The following SVOPL variants were observed in gnomAD, a reference collection of about 807,000 sequenced individuals.
SVOPL encodes the protein putative transporter SVOPL.
SVOPL carries 60 observed loss-of-function variants against 61.0 expected under a neutral mutation model. The observed-to-expected ratio is 0.98, with a 90% CI of 0.80 to 1.22. The LOEUF is 1.22. Ranked by LOEUF, SVOPL falls within the 50% of genes most tolerant of loss-of-function variation. SVOPL has a pLI of 0.00. For synonymous variants in SVOPL, 279 were observed against 250.0 expected, an observed-to-expected ratio of 1.12 and a Z score of -1.09; for missense variants, 662 against 643.9, an observed-to-expected ratio of 1.03 and a Z score of -0.30.
Position 138,679,030 on chromosome 7 carries a change from T to C in SVOPL, c.16A>G (p.Thr6Ala). The change falls in exon 2 of 16, where the codon ACA becomes GCA. Residue 6 changes from threonine to alanine, a missense_variant. Physicochemically the swap from Thr to Ala is moderately conservative, Grantham distance 58. Transcript: ENST00000674285. ...AGGCTGAGGATCGTGACAGGCTCTG[T>C]TGGCTTGGTTGCCATCTTCTAAATA... MATKP[T>A]EPVTILSLRK... 6.4e-7 allele frequency: 1 copy of C among 1,551,612 alleles called. No homozygotes were observed. Among genetic ancestry groups the C allele is most frequent in the East Asian group, 2.4e-5 (1 of 40,920 alleles).
intron 7 of SVOPL, among the ~76,000 whole-genome samples, chr7:138,650,693 G>C (rs944703950): frequency 7.6e-6 from 1 of 131,542 alleles, no homozygotes; most frequent in Non-Finnish European, 1.6e-5. Flanking sequence ...TGCACCTGTA[G>C]TCCCAGCTAC....
intron 3 of SVOPL, among the ~76,000 whole-genome samples, chr7:138,675,474 C>T (rs1318599651): frequency 6.6e-6 from 1 of 152,100 alleles, no homozygotes; most frequent in Non-Finnish European, 1.5e-5. Flanking sequence ...CTGACCCTGC[C>T]TTCCGAGTAG....
At chr7:138,639,341 T>C (rs1349961894) in intron 9 of SVOPL, among the ~76,000 whole-genome samples, 1 of 145,886 alleles carries the variant, frequency 6.9e-6, no homozygotes. Flanking sequence ...ATTAAAAGAA[T>C]ATCGGCTGGG....
At chr7:138,606,966 C>CA (rs1201231272) in intron 14 of SVOPL, among the ~76,000 whole-genome samples, 7 of 129,236 alleles carry the variant, frequency 5.4e-5, no homozygotes, top group Admixed American at 8.5e-5. Flanking sequence ...GAAAACAAAA[C>CA]AAAACAAAAA....
In SVOPL at chr7:138,656,505, G is replaced by A; in HGVS notation, c.477C>T (p.Ile159=). 6.2e-7 allele frequency: 1 copy of A among 1,613,836 alleles called. No homozygotes were observed. Among genetic ancestry groups the A allele is most frequent in the East Asian group, 2.2e-5 (1 of 44,866 alleles). ...CGVSGHSQGL[I]IKTEFLPTKY... is the part of the protein sequence containing the mutation. ...TCGTGGGCAAAAATTCAGTCTTTATGATTAACCTAAACAGGAAGCAGGAAA... is the reference window on the plus strand; with the variant it reads ...TCGTGGGCAAAAATTCAGTCTTTATAATTAACCTAAACAGGAAGCAGGAAA... Residue 159 remains isoleucine, a synonymous_variant, in exon 7 of 16, where the codon ATC becomes ATT. Transcript: ENST00000674285.
At chr7:138,620,541 T>A (rs1799518967) in intron 14 of SVOPL, among the ~76,000 whole-genome samples, 1 of 151,634 alleles carries the variant, frequency 6.6e-6, no homozygotes, top group Non-Finnish European at 1.5e-5. Context: ...CCTGCCTCTG[T>A]TGTTTCTCCT....
chr7:138,596,376 G>A (rs766316586), intron 15 of SVOPL, 41 bp downstream of exon 15: 7 of 1,580,642 alleles, frequency 4.4e-6, no homozygotes. Context: ...CTGGGCAAAA[G>A]TGGTAGTTGA....
intron 14 of SVOPL, among the ~76,000 whole-genome samples, chr7:138,614,392 C>CTTTTT (rs528123598): frequency 1.4e-5 from 2 of 137,934 alleles, no homozygotes; most frequent in South Asian, 2.4e-4. Context: ...AGCATTTCAA[C>CTTTTT]TTTTTTTTTT....
chr7:138,662,100 C>T (rs1584851855), intron 5 of SVOPL: 1 of 985,468 alleles, frequency 1.0e-6, no homozygotes, highest in East Asian at 1.1e-4. Flanking sequence ...TCTTTATAAA[C>T]TCTCTCATTT....
chr7:138,629,253 G>A (rs1316341006), intron 10 of SVOPL, among the ~76,000 whole-genome samples: 1 of 134,206 alleles, frequency 7.5e-6, no homozygotes, highest in African/African-American at 2.9e-5. Flanking sequence ...TTTTTTTTGA[G>A]ACAGTTTCAT....
At chr7:138,599,292 G>A (rs575810545) in intron 14 of SVOPL, among the ~76,000 whole-genome samples, 6 of 152,258 alleles carry the variant, frequency 3.9e-5, no homozygotes, top group African/African-American at 1.4e-4. Context: ...CTGAAAATGT[G>A]GGGGTATAGG....
At chr7:138,676,832 C>A (rs1001122827) in intron 3 of SVOPL, among the ~76,000 whole-genome samples, 1 of 150,906 alleles carries the variant, frequency 6.6e-6, no homozygotes, top group African/African-American at 2.4e-5. Context: ...TGCTCACTTG[C>A]TTTATAACCG....
intron 14 of SVOPL, among the ~76,000 whole-genome samples, chr7:138,598,004 G>A (rs559494490): frequency 2.0e-5 from 3 of 152,238 alleles, no homozygotes; most frequent in African/African-American, 7.2e-5. Context: ...TTCGTAACAA[G>A]ACTCCACAAT....
At chr7:138,689,388 T>C in intron 1 of SVOPL, 1 of 1,503,178 alleles carries the variant, frequency 6.7e-7, no homozygotes, top group Non-Finnish European at 9.1e-7. Flanking sequence ...TGGTCGGATT[T>C]ACCCATGCAT....
chr7:138,640,558 A>G (rs2116976511), intron 9 of SVOPL, among the ~76,000 whole-genome samples: 1 of 152,300 alleles, frequency 6.6e-6, no homozygotes, highest in Admixed American at 6.5e-5. Flanking sequence ...CTTTTTAAAA[A>G]ATTTTTAAAC....
chr7:138,622,294 C>CTATG (rs1554457370), intron 13 of SVOPL, among the ~76,000 whole-genome samples: 2,058 of 102,820 alleles, frequency 0.02, 76 homozygotes, highest in Middle Eastern at 0.036. Context: ...ATCTATCTAT[C>CTATG]TATCTATCTA....
intron 9 of SVOPL, among the ~76,000 whole-genome samples, chr7:138,634,498 A>G (rs79886953): frequency 6.8e-6 from 1 of 146,568 alleles, no homozygotes; most frequent in Admixed American, 6.8e-5. Context: ...AAAAAAAAAA[A>G]TTAGCCAGGT....
intron 4 of SVOPL, among the ~76,000 whole-genome samples, chr7:138,670,517 A>G (rs898262754): frequency 2.2e-4 from 33 of 152,084 alleles, no homozygotes; most frequent in African/African-American, 7.7e-4. Context: ...TGGTCCTGTG[A>G]CCCATAAGCA....
At chr7:138,636,941 G>C (rs575265848) in intron 9 of SVOPL, among the ~76,000 whole-genome samples, 30 of 152,110 alleles carry the variant, frequency 2.0e-4, no homozygotes, top group Non-Finnish European at 1.0e-4. Context: ...GAAATGAAAA[G>C]TATATTATAA....
Sources: gnomAD v4.1 joint callset for allele counts (sites outside exome capture counted in the v4.1 genomes callset) on GRCh38, gnomAD v4.1.1 for gene constraint, MANE v1.5 for transcripts, NCBI Gene and HGNC (gene_info 2026-07-23, HGNC 2026-07-21) for gene names.